Variants in GALNT17 observed in about 807,000 individuals in gnomAD.
GALNT17 encodes UDP-GalNAc:polypeptide N-acetylgalactosaminyltransferase-like 3.
Under a neutral mutation model 63.7 loss-of-function variants are expected in GALNT17, and 29 were observed. That is an observed-to-expected ratio of 0.46 (90% CI 0.34 to 0.62). The LOEUF is 0.62. GALNT17 is among the 20% of genes least tolerant of loss of function. The pLI is 0.01. For synonymous variants in GALNT17, 305 were observed against 318.3 expected, an observed-to-expected ratio of 0.96 and a Z score of 0.45; for missense variants, 603 against 799.6, an observed-to-expected ratio of 0.75 and a Z score of 2.97.
chr7:71,191,153 T>C (rs1049467019), intron 1 of GALNT17, among the ~76,000 whole-genome samples: 2 of 152,232 alleles, frequency 1.3e-5, no homozygotes, highest in African/African-American at 2.4e-5. Context: ...ACCCACAGTC[T>C]ACCAATACAT....
rs181986166 is a variant in GALNT17 at position 71,204,809 on chromosome 7, G to A, written c.238+71769G>A. Among the ~76,000 whole-genome samples the A allele has an allele frequency of 1.1e-4, 16 of 152,016 alleles. No individual in the cohort carries two copies. In the South Asian group the frequency reaches 2.7e-3, roughly 26 times the overall value. The stretch of plus-strand genomic sequence containing the variant: ...CACCCAGGCTGGAGTACAGTGGCAC[G>A]ATCTTGGCTCACTGTAACCTCTGCC... On this transcript the variant is annotated intron_variant, in intron 1 of 10. Coordinates refer to ENST00000333538, the MANE Select transcript of GALNT17 (RefSeq NM_022479.3).
chr7:71,598,996 T>C (rs1421145198), intron 6 of GALNT17, among the ~76,000 whole-genome samples: 3 of 151,956 alleles, frequency 2.0e-5, no homozygotes, highest in Non-Finnish European at 4.4e-5. Context: ...GCAGGACTCA[T>C]AGGGGCCTCA....
At chr7:71,151,902 A>T (rs1788142368) in intron 1 of GALNT17, among the ~76,000 whole-genome samples, 1 of 151,312 alleles carries the variant, frequency 6.6e-6, no homozygotes, top group Non-Finnish European at 1.5e-5. Context: ...TAAAAAAATC[A>T]TGATTTTTGC....
chr7:71,140,282 G>C (rs912428945), intron 1 of GALNT17, among the ~76,000 whole-genome samples: 2 of 152,164 alleles, frequency 1.3e-5, no homozygotes, highest in Admixed American at 6.5e-5. Context: ...GGACAGGCGC[G>C]GGCCCTGGGT....
intron 9 of GALNT17, among the ~76,000 whole-genome samples, chr7:71,703,456 C>A (rs1361426159): frequency 6.6e-6 from 1 of 152,184 alleles, no homozygotes; most frequent in African/African-American, 2.4e-5. Flanking sequence ...TAAGCAAGAA[C>A]TCATTTATCA....
intron 5 of GALNT17, among the ~76,000 whole-genome samples, chr7:71,529,431 C>T (rs1046883906): frequency 6.6e-6 from 1 of 151,996 alleles, no homozygotes; most frequent in Non-Finnish European, 1.5e-5. Context: ...AAAAAAAAAT[C>T]GAAGAGACTT....
intron 1 of GALNT17, among the ~76,000 whole-genome samples, chr7:71,248,577 A>G (rs866702005): frequency 6.6e-6 from 1 of 151,798 alleles, no homozygotes; most frequent in Non-Finnish European, 1.5e-5. Context: ...AATAGGAATG[A>G]TCATTTTCCT....
chr7:71,638,947 G>T (rs931945512), intron 6 of GALNT17, among the ~76,000 whole-genome samples: 2 of 152,074 alleles, frequency 1.3e-5, no homozygotes, highest in African/African-American at 4.8e-5. Flanking sequence ...GTAGTGGGGG[G>T]TTGTGCAGGG....
intron 5 of GALNT17, among the ~76,000 whole-genome samples, chr7:71,472,233 G>A (rs1046007734): frequency 4.6e-5 from 7 of 152,032 alleles, no homozygotes; most frequent in East Asian, 1.9e-4. Flanking sequence ...ATCACTTCCC[G>A]AAGGCTCCAC....
rs144240064 is a variant in GALNT17, at chr7:71,280,412, C to G, written c.239-55138C>G. On this transcript the variant is annotated intron_variant, in intron 1 of 10. Transcript: ENST00000333538. The stretch of plus-strand genomic sequence containing the variant: ...ATAGGGGATTATGTCACTATGCCAT[C>G]CTACCTCTACTTTCCACCTTCACCA... Among the ~76,000 whole-genome samples, 1,122 of 152,254 alleles carry G rather than the reference C, an allele frequency of 7.4e-3. 2 individuals are homozygous for G. The highest frequency in any genetic ancestry group is 0.012 in the Non-Finnish European group (818 of 68,024).
intron 1 of GALNT17, among the ~76,000 whole-genome samples, chr7:71,173,801 T>TAG (rs34508189): frequency 0.3 from 45,867 of 151,868 alleles, 8,037 homozygotes; most frequent in African/African-American, 0.48. Flanking sequence ...AAATAATAAA[T>TAG]AGAAGTAAGC....
At chr7:71,264,831 G>A (rs1465227461) in intron 1 of GALNT17, among the ~76,000 whole-genome samples, 2 of 151,922 alleles carry the variant, frequency 1.3e-5, no homozygotes, top group Admixed American at 6.6e-5. Flanking sequence ...TGGGAAGGGT[G>A]AATGGCAGGG....
intron 5 of GALNT17, among the ~76,000 whole-genome samples, chr7:71,509,236 G>A (rs528191852): frequency 1.3e-5 from 2 of 152,294 alleles, no homozygotes; most frequent in Middle Eastern, 3.4e-3. Context: ...GATTTTCCCC[G>A]ACAGCCGGCT....
At chr7:71,268,942 C>T (rs1287213024) in intron 1 of GALNT17, among the ~76,000 whole-genome samples, 7 of 152,080 alleles carry the variant, frequency 4.6e-5, no homozygotes, top group Non-Finnish European at 8.8e-5. Flanking sequence ...GAGGCAGGAA[C>T]AGGGAGGAAT....
At chr7:71,153,099 A>G (rs188007303) in intron 1 of GALNT17, among the ~76,000 whole-genome samples, 13 of 152,292 alleles carry the variant, frequency 8.5e-5, no homozygotes, top group Admixed American at 7.8e-4. Context: ...GGGGTTTCAG[A>G]CAATGGACGA....
intron 5 of GALNT17, among the ~76,000 whole-genome samples, chr7:71,441,256 C>T (rs1787062241): frequency 6.6e-6 from 1 of 151,990 alleles, no homozygotes; most frequent in Non-Finnish European, 1.5e-5. Flanking sequence ...CTCTTGACCT[C>T]GTAATCCACC....
intron 1 of GALNT17, among the ~76,000 whole-genome samples, chr7:71,309,271 A>C (rs2115931451): frequency 6.6e-6 from 1 of 152,044 alleles, no homozygotes; most frequent in South Asian, 2.1e-4. Context: ...TAAATCCATG[A>C]CCCTTGGCAG....
rs139701930 is a variant in GALNT17 at position 71,251,134 on chromosome 7, G to A, written c.239-84416G>A. Among the ~76,000 whole-genome samples the A allele has an allele frequency of 1.2e-3, 186 of 151,900 alleles. 2 individuals carry two copies. The highest frequency in any genetic ancestry group is 4.2e-3 in the African/African-American group (176 of 41,422). Reference sequence around the variant, plus strand: ...CTGCACCCATTAACTCATCATTTACGTTACGTATATCTCCTAATGCTATCC... The same window carrying A: ...CTGCACCCATTAACTCATCATTTACATTACGTATATCTCCTAATGCTATCC... On this transcript the variant is annotated intron_variant, in intron 1 of 10. Coordinates refer to ENST00000333538, the MANE Select transcript of GALNT17 (RefSeq NM_022479.3).
chr7:71,279,136 G>T (rs964342540), intron 1 of GALNT17, among the ~76,000 whole-genome samples: 1 of 151,856 alleles, frequency 6.6e-6, no homozygotes, highest in African/African-American at 2.4e-5. Context: ...TGTTGGCCAG[G>T]ATGGTCTCGA....
Sources: gnomAD v4.1 joint callset for allele counts (sites outside exome capture counted in the v4.1 genomes callset) on GRCh38, gnomAD v4.1.1 for gene constraint, MANE v1.5 for transcripts, NCBI Gene and HGNC (gene_info 2026-07-23, HGNC 2026-07-21) for gene names.